MDFIC2: variants seen among roughly 807,000 people sequenced by gnomAD.
The protein encoded by MDFIC2 is MyoD family inhibitor domain containing 2.
intron 3 of MDFIC2, among the ~76,000 whole-genome samples, chr3:70,199,533 A>G (rs932406887): frequency 1.3e-5 from 2 of 152,158 alleles, no homozygotes; most frequent in African/African-American, 4.8e-5. Context: ...TTGCCCAAAA[A>G]CAACATGGTA....
Position 70,194,914 on chromosome 3 carries a change from AGAGG to A in MDFIC2, c.*2008_*2011del, listed in dbSNP as rs1445985845. On this transcript the variant is annotated 3_prime_UTR_variant, in exon 4 of 4. Transcript: ENST00000567252. ...GGGGTGGGTGCTCAGAGAGGAGCCA[AGAGG>A]GATGGGACATAAGGAAGCACTAGGA... 4.6e-5 allele frequency among the ~76,000 whole-genome samples: 7 copies of A among 152,256 alleles called. No homozygotes were observed. The East Asian group carries it at 1.4e-3, about 29-fold the overall frequency.
chr3:70,236,065 T>C (rs1489620220), intron 2 of MDFIC2, among the ~76,000 whole-genome samples: 1 of 152,092 alleles, frequency 6.6e-6, no homozygotes, highest in Non-Finnish European at 1.5e-5. Flanking sequence ...GAATAATCTT[T>C]CCCACGACCT....
intron 2 of MDFIC2, among the ~76,000 whole-genome samples, chr3:70,212,326 A>T (rs1406484373): frequency 6.6e-6 from 1 of 152,090 alleles, no homozygotes; most frequent in African/African-American, 2.4e-5. Flanking sequence ...TTCAATTATG[A>T]TGCCTCTTTC....
At chr3:70,302,964 G>A (rs527898871) in intron 2 of MDFIC2, among the ~76,000 whole-genome samples, 1 of 152,250 alleles carries the variant, frequency 6.6e-6, no homozygotes, top group South Asian at 2.1e-4. Context: ...GTTGGCCTAT[G>A]AGAACACAGA....
chr3:70,307,725 C>A (rs1301820078), intron 2 of MDFIC2, among the ~76,000 whole-genome samples: 1 of 152,122 alleles, frequency 6.6e-6, no homozygotes, highest in Non-Finnish European at 1.5e-5. Context: ...TATTTACAGG[C>A]TCATATCACA....
intron 2 of MDFIC2, among the ~76,000 whole-genome samples, chr3:70,252,639 C>T (rs1299147933): frequency 1.3e-5 from 2 of 152,158 alleles, no homozygotes; most frequent in Non-Finnish European, 2.9e-5. Context: ...TAGGAGGTAA[C>T]TATTTGGTTC....
chr3:70,261,188 T>C (rs1480385636), intron 2 of MDFIC2, among the ~76,000 whole-genome samples: 2 of 152,230 alleles, frequency 1.3e-5, no homozygotes, highest in Non-Finnish European at 2.9e-5. Context: ...TGAAATTTAC[T>C]CAAAGACATT....
chr3:70,273,164 G>C (rs569378935), intron 2 of MDFIC2, among the ~76,000 whole-genome samples: 1 of 152,098 alleles, frequency 6.6e-6, no homozygotes, highest in Non-Finnish European at 1.5e-5. Flanking sequence ...GATTCATCCC[G>C]GTGATCACTG....
At position 70,243,330 on chromosome 3, in the gene MDFIC2, T is replaced by A. The variant is rs62256475; in HGVS notation, c.89-36540A>T. Among the ~76,000 whole-genome samples, 1,025 of 152,290 alleles carry A rather than the reference T, an allele frequency of 6.7e-3. 8 individuals carry two copies. Among genetic ancestry groups the A allele is most frequent in the Non-Finnish European group, 0.012 (815 of 68,014 alleles). On this transcript the variant is annotated intron_variant, in intron 2 of 3. Transcript: ENST00000567252. Reference sequence around the variant, plus strand: ...TAATTTTCATTTTTCTTTGTTTTCCTTAAAATTGGGGTTGTATTTGGCTCA... The same window carrying A: ...TAATTTTCATTTTTCTTTGTTTTCCATAAAATTGGGGTTGTATTTGGCTCA...
chr3:70,231,412 C>T (rs1281502121), intron 2 of MDFIC2, among the ~76,000 whole-genome samples: 2 of 152,202 alleles, frequency 1.3e-5, no homozygotes, highest in South Asian at 2.1e-4. Flanking sequence ...CTAAGCTCTA[C>T]CCCCAGAGCT....
intron 2 of MDFIC2, among the ~76,000 whole-genome samples, chr3:70,288,745 G>A (rs948743847): frequency 4.6e-5 from 7 of 151,910 alleles, no homozygotes; most frequent in Non-Finnish European, 1.0e-4. Context: ...AGGTGCTCCT[G>A]TGTTGGGTGC....
chr3:70,256,689 G>C (rs1203033939), intron 2 of MDFIC2, among the ~76,000 whole-genome samples: 2 of 152,162 alleles, frequency 1.3e-5, no homozygotes, highest in African/African-American at 2.4e-5. Context: ...TAGCAGTATG[G>C]GGAAGCAATG....
At chr3:70,225,965 A>G (rs749636496) in intron 2 of MDFIC2, among the ~76,000 whole-genome samples, 1 of 152,144 alleles carries the variant, frequency 6.6e-6, no homozygotes, top group Non-Finnish European at 1.5e-5. Flanking sequence ...CGTCATTAAC[A>G]ATGTAGACAG....
chr3:70,247,357 G>T (rs905520575), intron 2 of MDFIC2, among the ~76,000 whole-genome samples: 1 of 151,970 alleles, frequency 6.6e-6, no homozygotes, highest in African/African-American at 2.4e-5. Context: ...AGTTCTGAAT[G>T]GTTAATGCGG....
chr3:70,224,656 T>C (rs1236919186), intron 2 of MDFIC2, among the ~76,000 whole-genome samples: 1 of 152,102 alleles, frequency 6.6e-6, no homozygotes, highest in Non-Finnish European at 1.5e-5. Context: ...CTTCCTGCAA[T>C]ACTTGGGAAT....
intron 2 of MDFIC2, among the ~76,000 whole-genome samples, chr3:70,244,672 C>T (rs767155513): frequency 6.6e-6 from 1 of 152,122 alleles, no homozygotes; most frequent in Non-Finnish European, 1.5e-5. Flanking sequence ...ATAATAGACT[C>T]AAATTTGATG....
intron 2 of MDFIC2, among the ~76,000 whole-genome samples, chr3:70,279,915 A>G (rs949411576): frequency 5.9e-5 from 9 of 152,122 alleles, no homozygotes; most frequent in African/African-American, 2.2e-4. Flanking sequence ...GAAAGACATC[A>G]TATTGCTTGA....
chr3:70,261,062 A>C (rs1701860855), intron 2 of MDFIC2, among the ~76,000 whole-genome samples: 1 of 152,210 alleles, frequency 6.6e-6, no homozygotes, highest in South Asian at 2.1e-4. Flanking sequence ...TAAGAATATA[A>C]GCACTTCAAC....
At chr3:70,261,611 G>C (rs1204324128) in intron 2 of MDFIC2, among the ~76,000 whole-genome samples, 2 of 152,034 alleles carry the variant, frequency 1.3e-5, no homozygotes, top group African/African-American at 4.8e-5. Flanking sequence ...TGCCTGAATG[G>C]GCTTTCTTCA....
Sources: gnomAD v4.1 joint callset for allele counts (sites outside exome capture counted in the v4.1 genomes callset) on GRCh38, gnomAD v4.1.1 for gene constraint, MANE v1.5 for transcripts, NCBI Gene and HGNC (gene_info 2026-07-23, HGNC 2026-07-21) for gene names.